Variants in TMEM132C observed in about 807,000 individuals in gnomAD.
TMEM132C encodes the protein protein phosphatase 1, regulatory subunit 152.
Under a neutral mutation model 61.4 loss-of-function variants are expected in TMEM132C, and 29 were observed. That is an observed-to-expected ratio of 0.47 (90% CI 0.35 to 0.64). The LOEUF is 0.64. TMEM132C is among the 30% of genes least tolerant of loss of function. The pLI is 0.00. For missense variants in TMEM132C, 1,408 were observed against 1,476.9 expected (o/e 0.95, Z 0.76); for synonymous variants, 656 against 633.1 (o/e 1.04, Z -0.54).
At chr12:128,417,211 C>G (rs1046679039) in intron 2 of TMEM132C, among the ~76,000 whole-genome samples, 2 of 152,136 alleles carry the variant, frequency 1.3e-5, no homozygotes, top group African/African-American at 4.8e-5. Flanking sequence ...ATAAATGCAT[C>G]TATCCCTGGC....
At chr12:128,646,847 G>A (rs1954204703) in intron 4 of TMEM132C, among the ~76,000 whole-genome samples, 1 of 149,490 alleles carries the variant, frequency 6.7e-6, no homozygotes, top group African/African-American at 2.5e-5. Flanking sequence ...AGTGTGTTTA[G>A]CTCAGTCCAT....
At chr12:128,687,209 A>AC (rs1954684177) in intron 5 of TMEM132C, among the ~76,000 whole-genome samples, 1 of 151,332 alleles carries the variant, frequency 6.6e-6, no homozygotes, top group Non-Finnish European at 1.5e-5. Context: ...CTCAAAAAAA[A>AC]AAAAAAAAAG....
At chr12:128,370,854 GCA>G (rs1874007993) in intron 1 of TMEM132C, among the ~76,000 whole-genome samples, 2 of 152,030 alleles carry the variant, frequency 1.3e-5, no homozygotes, top group Non-Finnish European at 2.9e-5. Context: ...AACTTATCCT[GCA>G]CGGCACCAGA....
At chr12:128,363,576 G>C (rs557927279) in intron 1 of TMEM132C, among the ~76,000 whole-genome samples, 1 of 152,064 alleles carries the variant, frequency 6.6e-6, no homozygotes, top group Non-Finnish European at 1.5e-5. Flanking sequence ...GGCCAGGTGC[G>C]GTGGCTCATG....
At chr12:128,457,862 C>G (rs1403409299) in intron 2 of TMEM132C, among the ~76,000 whole-genome samples, 2 of 152,114 alleles carry the variant, frequency 1.3e-5, no homozygotes, top group Admixed American at 6.5e-5. Flanking sequence ...ATTGAGAGCC[C>G]TGGATCATGC....
Position 128,559,457 on chromosome 12 carries a change from G to A in TMEM132C, c.1121+15354G>A, listed in dbSNP as rs572533843. On this transcript the variant is annotated intron_variant, in intron 3 of 8. Coordinates refer to ENST00000435159, the MANE Select transcript of TMEM132C (RefSeq NM_001136103.3). ...GTTTTGTACTTCTGTGATCATATTC[G>A]TGAAATAAACTCCAGCAGTGGACTA... Among the ~76,000 whole-genome samples, 110 of 152,066 alleles carry A rather than the reference G, an allele frequency of 7.2e-4. 1 individual carries two copies. Among genetic ancestry groups the A allele is most frequent in the African/African-American group, 2.4e-3 (99 of 41,480 alleles).
At chr12:128,658,233 C>T (rs953435448) in intron 4 of TMEM132C, among the ~76,000 whole-genome samples, 7 of 152,006 alleles carry the variant, frequency 4.6e-5, no homozygotes, top group South Asian at 4.2e-4. Context: ...GGAGCAGGGA[C>T]GCAGCTCCCA....
At position 128,693,887 on chromosome 12, in the gene TMEM132C, A is replaced by T. The variant is rs890006053; in HGVS notation, c.1508A>T (p.Asp503Val). ...GGCAAAGAGATCAAAGGAAAGATGG[A>T]TGCGGTGGTGAACTTCACATACCAG... Reference protein sequence around the residue: ...VNGKEIKGKMDAVVNFTYQYL... With the variant: ...VNGKEIKGKMVAVVNFTYQYL... The change falls in exon 6 of 9, where the codon GAT becomes GTT. Residue 503 changes from aspartate (D) to valine (V), a missense_variant. By Grantham distance (152) the Asp-to-Val change is radical. Coordinates refer to ENST00000435159, the MANE Select transcript of TMEM132C (RefSeq NM_001136103.3). 2.3e-5 allele frequency: 35 copies of T among 1,551,634 alleles called. No homozygotes were observed. In the African/African-American group the frequency reaches 4.1e-4, roughly 18 times the overall value.
intron 4 of TMEM132C, among the ~76,000 whole-genome samples, chr12:128,666,592 C>T (rs1954476926): frequency 6.6e-6 from 1 of 152,130 alleles, no homozygotes; most frequent in African/African-American, 2.4e-5. Flanking sequence ...GATATGTGAT[C>T]AGGATTGCAC....
intron 3 of TMEM132C, among the ~76,000 whole-genome samples, chr12:128,573,292 G>A (rs1334584552): frequency 3.9e-5 from 6 of 152,174 alleles, no homozygotes; most frequent in African/African-American, 7.2e-5. Flanking sequence ...ATGAGTTCAT[G>A]TCCTTTGTAG....
intron 2 of TMEM132C, among the ~76,000 whole-genome samples, chr12:128,484,755 A>G (rs1871431678): frequency 1.3e-5 from 2 of 152,014 alleles, no homozygotes; most frequent in South Asian, 4.2e-4. Context: ...CCAGGAGTTC[A>G]TGACCAGCCT....
chr12:128,629,749 C>T (rs1268739183), intron 4 of TMEM132C, among the ~76,000 whole-genome samples: 4 of 152,116 alleles, frequency 2.6e-5, no homozygotes, highest in Admixed American at 6.6e-5. Flanking sequence ...GGGTGGATCA[C>T]GAGGTCAGGG....
chr12:128,592,274 C>G (rs80222945), intron 3 of TMEM132C, among the ~76,000 whole-genome samples: 2 of 152,126 alleles, frequency 1.3e-5, no homozygotes, highest in African/African-American at 4.8e-5. Flanking sequence ...ACGCCTGTAT[C>G]GCTTCACTTA....
At chr12:128,448,422 G>A (rs1187935586) in intron 2 of TMEM132C, among the ~76,000 whole-genome samples, 1 of 152,204 alleles carries the variant, frequency 6.6e-6, no homozygotes, top group African/African-American at 2.4e-5. Flanking sequence ...AGGCAGCTCT[G>A]CTTATAGGGG....
At chr12:128,422,193 G>A (rs534493090) in intron 2 of TMEM132C, among the ~76,000 whole-genome samples, 3 of 152,252 alleles carry the variant, frequency 2.0e-5, no homozygotes, top group South Asian at 2.1e-4. Flanking sequence ...GAACCCCTGG[G>A]GATGCTGAGG....
intron 3 of TMEM132C, among the ~76,000 whole-genome samples, chr12:128,606,951 G>T (rs531583472): frequency 6.6e-6 from 1 of 152,216 alleles, no homozygotes; most frequent in African/African-American, 2.4e-5. Context: ...CCTTTCACGG[G>T]GCTTACATTT....
At chr12:128,653,638 C>G (rs980748384) in intron 4 of TMEM132C, among the ~76,000 whole-genome samples, 1 of 152,160 alleles carries the variant, frequency 6.6e-6, no homozygotes. Flanking sequence ...TGTAAATCTT[C>G]CATTTCCTAA....
At chr12:128,493,628 C>T (rs1871832018) in intron 2 of TMEM132C, among the ~76,000 whole-genome samples, 1 of 152,110 alleles carries the variant, frequency 6.6e-6, no homozygotes, top group Non-Finnish European at 1.5e-5. Flanking sequence ...AATTGGAGTT[C>T]ACTCATGTTT....
At position 128,601,189 on chromosome 12, in the gene TMEM132C, T is replaced by G. The variant is rs368645381; in HGVS notation, c.1122-14963T>G. ...TCTCTTGGAATGGGCTCAACCCTTCTGGAAAGGCTGATAGCTTCAAAGGAT... is the reference window on the plus strand; with the variant it reads ...TCTCTTGGAATGGGCTCAACCCTTCGGGAAAGGCTGATAGCTTCAAAGGAT... On this transcript the variant is annotated intron_variant, in intron 3 of 8. Coordinates refer to ENST00000435159, the MANE Select transcript of TMEM132C (RefSeq NM_001136103.3). 3.3e-4 allele frequency among the ~76,000 whole-genome samples: 50 copies of G among 152,340 alleles called. 1 individual carries two copies. The South Asian group carries it at 0.01, about 31-fold the overall frequency.
Sources: gnomAD v4.1 joint callset for allele counts (sites outside exome capture counted in the v4.1 genomes callset) on GRCh38, gnomAD v4.1.1 for gene constraint, MANE v1.5 for transcripts, NCBI Gene and HGNC (gene_info 2026-07-23, HGNC 2026-07-21) for gene names.